ZNF417: variants seen among roughly 807,000 people sequenced by gnomAD.
The protein encoded by ZNF417 is zinc finger protein 417.
In ZNF417, 5 loss-of-function variants were observed where a neutral mutation model predicts 7.4. That is an observed-to-expected ratio of 0.68 (90% CI 0.35 to 1.43). The LOEUF is 1.43. Among genes scored for constraint, ZNF417 ranks in the 40% most tolerant of loss-of-function variants. ZNF417 has a pLI of 0.04. For synonymous variants in ZNF417, 147 were observed against 239.1 expected, an observed-to-expected ratio of 0.61 and a Z score of 3.55; for missense variants, 437 against 697.3, an observed-to-expected ratio of 0.63 and a Z score of 4.20.
In ZNF417 at chr19:57,916,582, C is replaced by A; in HGVS notation, c.-171G>T. On this transcript the variant is annotated 5_prime_UTR_variant, in exon 1 of 3. Transcript: ENST00000312026. ...GGGAAACACCCGCGTCACCGATACA[C>A]AGCCGCTACTAGAGACCCCGGAAGT... The A allele has an allele frequency of 6.8e-7, 1 of 1,475,586 alleles. No homozygotes were observed. The highest frequency in any genetic ancestry group is 9.0e-7 in the Non-Finnish European group (1 of 1,116,214). The allele number at this position is 1,475,586 out of a possible 1,614,324, so 91.4% of individuals were successfully genotyped here.
In ZNF417 at chr19:57,908,818, G is replaced by C. The variant is rs1461284412; in HGVS notation, c.1460C>G (p.Thr487Ser). 1 of 1,613,860 alleles carries C rather than the reference G, an allele frequency of 6.2e-7. No individual in the cohort carries two copies. The highest frequency in any genetic ancestry group is 8.5e-7 in the Non-Finnish European group (1 of 1,179,770). The change falls in exon 3 of 3, where the codon ACT becomes AGT. Residue 487 changes from threonine (T) to serine (S), a missense_variant. Physicochemically the swap from Thr to Ser is moderately conservative, Grantham distance 58 (BLOSUM62 1). Around this residue, in one of 5 missense-constraint regions of ZNF417, gnomAD observed 233 missense variants for 235.5 expected, o/e 0.99. Transcript: ENST00000312026. ...ATTGCATTCATACGGCCTTTCTCCA[G>C]TGTGAATCCTCTGATGTATAGTCAC... is the stretch of plus-strand genomic sequence containing the variant. ...NCVTIHQRIH[T>S]GERPYECNEC...
Position 57,909,961 on chromosome 19 carries a change from T to C in ZNF417, c.317A>G (p.His106Arg). 6.3e-7 allele frequency: 1 copy of C among 1,583,532 alleles called. No homozygotes were observed. The highest frequency in any genetic ancestry group is 8.6e-7 in the Non-Finnish European group (1 of 1,165,430). Residue 106 changes from histidine to arginine, a missense_variant, in exon 3 of 3, where the codon CAC (histidine) becomes CGC (arginine). Transcript: ENST00000312026. ...ATGAGTTTCCTGGTGGTCAGCAAAG[T>C]GAAAAACATCCTCCAAGATGAGGCC... ...MCGLILEDVF[H>R]FADHQETHHK...
At chr19:57,910,217 T>C in intron 2 of ZNF417, 103 bp from the exon 3 acceptor site, 1 of 1,496,986 alleles carries the variant, frequency 6.7e-7, no homozygotes, top group Non-Finnish European at 8.9e-7. Flanking sequence ...TCTATAGAAA[T>C]ATTTGCAGGA....
intron 1 of ZNF417, among the ~76,000 whole-genome samples, chr19:57,913,273 C>G (rs2071916056): frequency 6.6e-6 from 1 of 152,188 alleles, no homozygotes; most frequent in Non-Finnish European, 1.5e-5. Flanking sequence ...AATATTAACA[C>G]AGAATTTCCA....
At chr19:57,910,636 T>G (rs2071891760) in intron 2 of ZNF417, among the ~76,000 whole-genome samples, 1 of 152,048 alleles carries the variant, frequency 6.6e-6, no homozygotes, top group Non-Finnish European at 1.5e-5. Context: ...CCTCATGATG[T>G]AAAGAGCACA....
Position 57,908,373 on chromosome 19 carries a change from C to T in ZNF417, c.*177G>A, listed in dbSNP as rs2071856277. ...GAGCCAAGATTGCACCACTGCACTC[C>T]AGCCTGGGTGACAGAATGAGACTCC... On this transcript the variant is annotated 3_prime_UTR_variant, in exon 3 of 3. Transcript: ENST00000312026. 6 of 1,248,790 alleles carry T rather than the reference C, an allele frequency of 4.8e-6. No homozygotes were observed. The highest frequency in any genetic ancestry group is 2.0e-4 in the Middle Eastern group (1 of 5,000). 77.4% of individuals were successfully genotyped at this position (1,248,790 alleles called of 1,614,324 possible).
chr19:57,909,152 C>T lies in ZNF417; in HGVS notation c.1126G>A (p.Gly376Arg), dbSNP rs772657320. Reference protein sequence around the residue: ...CFINHQRVHTGERPYKCGECG... With the variant: ...CFINHQRVHTRERPYKCGECG... The stretch of plus-strand genomic sequence containing the variant: ...TCTCCACACTTGTAAGGCCTTTCTC[C>T]AGTGTGAACACGCTGATGGTTAATA... Residue 376 changes from glycine to arginine, a missense_variant, in exon 3 of 3, where the codon GGA becomes AGA. This residue lies in a region of ZNF417 where 53 missense variants were observed against 91.9 expected (regional missense o/e 0.58). Coordinates refer to ENST00000312026, the MANE Select transcript of ZNF417 (RefSeq NM_152475.3). The T allele has an allele frequency of 6.2e-7, 1 of 1,614,194 alleles. No individual in the cohort carries two copies. Among genetic ancestry groups the T allele is most frequent in the Non-Finnish European group, 8.5e-7 (1 of 1,180,020 alleles).
chr19:57,906,877 C>T lies in ZNF417; in HGVS notation c.*1673G>A, dbSNP rs1312509955. 12 of 80,070 alleles carry T rather than the reference C, an allele frequency of 1.5e-4. No homozygotes were observed. The highest frequency in any genetic ancestry group is 5.0e-4 in the South Asian group (1 of 1,988). The allele number at this position is 80,070 out of a possible 1,614,324, so 5.0% of individuals were successfully genotyped here. ...TTTTTTTTTTTTTTTTTTTTTGAGACGGAGTCTCGCTCTGTCACCAGGCTG... is the reference window on the plus strand; with the variant it reads ...TTTTTTTTTTTTTTTTTTTTTGAGATGGAGTCTCGCTCTGTCACCAGGCTG... On this transcript the variant is annotated 3_prime_UTR_variant, in exon 3 of 3. Coordinates refer to ENST00000312026, the MANE Select transcript of ZNF417 (RefSeq NM_152475.3).
chr19:57,916,239 C>A (rs2071946522), intron 1 of ZNF417, 140 bp downstream of exon 1: 1 of 1,517,218 alleles, frequency 6.6e-7, no homozygotes, highest in Non-Finnish European at 8.9e-7. Context: ...GACAGTTACA[C>A]AGGGACCCCT....
intron 1 of ZNF417, among the ~76,000 whole-genome samples, chr19:57,914,891 A>T (rs1366259842): frequency 6.6e-6 from 1 of 152,224 alleles, no homozygotes; most frequent in African/African-American, 2.4e-5. Flanking sequence ...CTCGGATCAA[A>T]GGACTGAAAA....
intron 2 of ZNF417, among the ~76,000 whole-genome samples, chr19:57,911,741 G>A (rs1221231547): frequency 2.6e-5 from 4 of 152,174 alleles, no homozygotes; most frequent in Non-Finnish European, 4.4e-5. Context: ...TTGTCAGATA[G>A]AGGAAGGAAG....
rs1437873836 is a variant in ZNF417 at position 57,916,264 on chromosome 19, A to C, written c.33+115T>G. Reference sequence around the variant, plus strand: ...CAGGGACCCCTCCTGCGAGCGCCTCAGTGTTCCTACGCCGGGTACCGGCTA... The same window carrying C: ...CAGGGACCCCTCCTGCGAGCGCCTCCGTGTTCCTACGCCGGGTACCGGCTA... On this transcript the variant is annotated intron_variant, in intron 1 of 2. Coordinates refer to ENST00000312026, the MANE Select transcript of ZNF417 (RefSeq NM_152475.3). The C allele has an allele frequency of 5.0e-6, 8 of 1,590,146 alleles. No homozygotes were observed. In the East Asian group the frequency reaches 1.6e-4, roughly 32 times the overall value.
Position 57,913,332 on chromosome 19 carries a change from C to T in ZNF417, c.34-1143G>A, listed in dbSNP as rs16988209. ...CCCAAATCATCCTGTGAACGTCTCC[C>T]GGAATGACTCCATAGCCACACAGAA... On this transcript the variant is annotated intron_variant, in intron 1 of 2. Transcript: ENST00000312026. 1.3e-3 allele frequency among the ~76,000 whole-genome samples: 204 copies of T among 151,974 alleles called. 4 individuals carry two copies. The highest frequency in any genetic ancestry group is 3.4e-3 in the Middle Eastern group (1 of 294).
Position 57,909,111 on chromosome 19 carries a change from A to G in ZNF417, c.1167T>C (p.Phe389=). ...PYKCGECGKS[F]GQKGNLVQHQ... is the part of the protein sequence containing the mutation. ...GTTGAACGAGGTTGCCCTTTTGACC[A>G]AAAGATTTTCCACATTCTCCACACT... Residue 389 remains phenylalanine, a synonymous_variant, in exon 3 of 3, where the codon TTT becomes TTC. Transcript: ENST00000312026. The G allele has an allele frequency of 6.2e-7, 1 of 1,614,150 alleles. No individual in the cohort carries two copies. The highest frequency in any genetic ancestry group is 8.5e-7 in the Non-Finnish European group (1 of 1,180,024).
At chr19:57,913,499 T>C (rs987292507) in intron 1 of ZNF417, among the ~76,000 whole-genome samples, 4 of 152,156 alleles carry the variant, frequency 2.6e-5, no homozygotes, top group Non-Finnish European at 5.9e-5. Context: ...CCACATCTAC[T>C]ATCACAGATG....
rs2071822213 is a variant in ZNF417, at chr19:57,905,979, T to TC, written c.*2570_*2571insG. 2.6e-5 allele frequency among the ~76,000 whole-genome samples: 4 copies of TC among 152,238 alleles called. No individual in the cohort carries two copies. The South Asian group carries it at 8.3e-4, about 32-fold the overall frequency. ...GTTTATGAAGAAAAAAGTTTTGTTTTTTTTGAGGCAGGGCCTTGCTCTTTT... is the reference window on the plus strand; with the variant it reads ...GTTTATGAAGAAAAAAGTTTTGTTTTCTTTTGAGGCAGGGCCTTGCTCTTTT... On this transcript the variant is annotated 3_prime_UTR_variant, in exon 3 of 3. Coordinates refer to ENST00000312026, the MANE Select transcript of ZNF417 (RefSeq NM_152475.3).
chr19:57,916,322 G>C (rs2071947564), intron 1 of ZNF417, 57 bp downstream of exon 1: 1 of 1,613,818 alleles, frequency 6.2e-7, no homozygotes, highest in African/African-American at 1.3e-5. Context: ...TCCCTCGCTG[G>C]TTTAGGACCT....
chr19:57,916,429 C>T lies in ZNF417; in HGVS notation c.-18G>A. The stretch of plus-strand genomic sequence containing the variant: ...GCTGCCATCGGACTACTTGGGGAAG[C>T]ACGGCCCGGGAGCAGTGGTCGCCGT... On this transcript the variant is annotated 5_prime_UTR_variant, in exon 1 of 3. Transcript: ENST00000312026. The T allele has an allele frequency of 1.2e-6, 2 of 1,614,032 alleles. No individual in the cohort carries two copies. The highest frequency in any genetic ancestry group is 2.2e-5 in the South Asian group (2 of 91,074).
At chr19:57,913,690 T>G (rs1385845469) in intron 1 of ZNF417, among the ~76,000 whole-genome samples, 5 of 152,152 alleles carry the variant, frequency 3.3e-5, no homozygotes, top group Non-Finnish European at 7.4e-5. Context: ...TCATCTATTC[T>G]CTCCTCGGAT....
Sources: allele counts gnomAD v4.1 joint callset (sites outside exome capture counted in the v4.1 genomes callset), GRCh38; gene constraint gnomAD v4.1.1; regional missense constraint gnomAD v4.1.1; transcripts MANE v1.5; gene names NCBI Gene and HGNC (gene_info 2026-07-23, HGNC 2026-07-21).